GRM1: variants seen among roughly 807,000 people sequenced by gnomAD.
GRM1 encodes metabotropic glutamate receptor 1.
In GRM1, 33 loss-of-function variants were observed where a neutral mutation model predicts 90.9. The observed-to-expected ratio is 0.36, with a 90% confidence interval of 0.28 to 0.49. The LOEUF (loss-of-function observed/expected upper bound fraction) is 0.49. Ranked by LOEUF, GRM1 falls within the 20% of genes least tolerant of loss-of-function variation. The probability of loss-of-function intolerance (pLI) is 0.99; values close to 1 mark genes in which losing one functional copy is unlikely to be tolerated. For missense variants in GRM1, 1,190 were observed against 1,534.3 expected, an observed-to-expected ratio of 0.78 and a Z score of 3.75; for synonymous variants, 700 against 613.2, an observed-to-expected ratio of 1.14 and a Z score of -2.09.
At chr6:146,267,697 GCTCGGCTCGTCTCGTCTCGT>G (rs71028385) in intron 2 of GRM1, among the ~76,000 whole-genome samples, 5,263 of 109,148 alleles carry the variant, frequency 0.048, 180 homozygotes, top group Middle Eastern at 0.082. Flanking sequence ...GCTCGGCTCG[GCTCGGCTCGTCTCGTCTCGT>G]CTCGTCTCGT....
rs755516235 is a variant in GRM1 at position 146,247,024 on chromosome 6, T to G, written c.951-57587T>G. On this transcript the variant is annotated intron_variant, in intron 2 of 7. Coordinates refer to ENST00000282753, the MANE Select transcript of GRM1 (RefSeq NM_001278064.2). The stretch of plus-strand genomic sequence containing the variant: ...ATTCAGGAATCAGGAAAATAACTGG[T>G]ATGAGGGACATCAGTATCAATAGGA... Among the ~76,000 whole-genome samples, 3 of 152,292 alleles carry G rather than the reference T, an allele frequency of 2.0e-5. No homozygotes were observed. The South Asian group carries it at 6.2e-4, about 32-fold the overall frequency.
intron 1 of GRM1, among the ~76,000 whole-genome samples, chr6:146,106,936 A>T (rs1055234057): frequency 6.6e-6 from 1 of 152,202 alleles, no homozygotes; most frequent in East Asian, 1.9e-4. Flanking sequence ...TTTTACTTGT[A>T]TCACTTTCTT....
intron 1 of GRM1, among the ~76,000 whole-genome samples, chr6:146,063,643 T>C (rs1775748804): frequency 6.6e-6 from 1 of 152,168 alleles, no homozygotes; most frequent in Non-Finnish European, 1.5e-5. Context: ...CCTTATTTAA[T>C]TCCGTATGCA....
chr6:146,432,914 G>A (rs1778465910), intron 7 of GRM1, among the ~76,000 whole-genome samples: 1 of 152,192 alleles, frequency 6.6e-6, no homozygotes, highest in Admixed American at 6.5e-5. Context: ...GTGCCATGAA[G>A]ATGGGAGTTG....
chr6:146,304,360 G>A (rs953726104), intron 2 of GRM1, among the ~76,000 whole-genome samples: 6 of 152,060 alleles, frequency 3.9e-5, no homozygotes, highest in South Asian at 2.1e-4. Context: ...AATACTCATC[G>A]AACTTTAATT....
chr6:146,150,563 G>A (rs1470760918), intron 1 of GRM1, among the ~76,000 whole-genome samples: 1 of 152,148 alleles, frequency 6.6e-6, no homozygotes, highest in South Asian at 2.1e-4. Context: ...TTGTTAGGAA[G>A]ATTCCAATTT....
At chr6:146,270,873 CTTTCTTT>C (rs1782107942) in intron 2 of GRM1, among the ~76,000 whole-genome samples, 2 of 85,872 alleles carry the variant, frequency 2.3e-5, no homozygotes, top group African/African-American at 1.2e-4. Context: ...TTCTTTCTTT[CTTTCTTT>C]CTTTCTTTCT....
At chr6:146,086,248 A>G (rs1333433665) in intron 1 of GRM1, among the ~76,000 whole-genome samples, 1 of 152,164 alleles carries the variant, frequency 6.6e-6, no homozygotes, top group Non-Finnish European at 1.5e-5. Flanking sequence ...TGATAGCTAT[A>G]CAAACTCTGA....
At chr6:146,163,528 T>A (rs954179700) in intron 2 of GRM1, among the ~76,000 whole-genome samples, 2 of 152,212 alleles carry the variant, frequency 1.3e-5, no homozygotes, top group African/African-American at 4.8e-5. Context: ...TGTCAAAAAG[T>A]GCTGCAGTGC....
At chr6:146,063,501 C>A (rs1037326373) in intron 1 of GRM1, among the ~76,000 whole-genome samples, 2 of 152,096 alleles carry the variant, frequency 1.3e-5, no homozygotes, top group African/African-American at 4.8e-5. Context: ...TTTTCTTGGA[C>A]ATCTTAATAG....
chr6:146,397,022 G>C (rs993672187), intron 6 of GRM1, among the ~76,000 whole-genome samples: 1 of 152,146 alleles, frequency 6.6e-6, no homozygotes, highest in Non-Finnish European at 1.5e-5. Flanking sequence ...TCTCATGCTA[G>C]TACATGGGAA....
chr6:146,246,652 C>T (rs1340497542), intron 2 of GRM1, among the ~76,000 whole-genome samples: 2 of 152,126 alleles, frequency 1.3e-5, no homozygotes, highest in Admixed American at 1.3e-4. Context: ...AGAAATGTGT[C>T]ATCTAAAATG....
chr6:146,368,919 T>C (rs1283273917), intron 5 of GRM1, among the ~76,000 whole-genome samples: 1 of 152,008 alleles, frequency 6.6e-6, no homozygotes, highest in African/African-American at 2.4e-5. Flanking sequence ...TTGAGAATAA[T>C]TAATACTGGT....
At chr6:146,171,955 C>T (rs1312017243) in intron 2 of GRM1, 1 of 173,108 alleles carries the variant, frequency 5.8e-6, no homozygotes, top group Non-Finnish European at 1.3e-5. Flanking sequence ...GACTTCCTCC[C>T]TGCTGTGGCA....
chr6:146,417,134 G>T (rs1260650179), intron 7 of GRM1, among the ~76,000 whole-genome samples: 1 of 152,084 alleles, frequency 6.6e-6, no homozygotes, highest in Non-Finnish European at 1.5e-5. Flanking sequence ...TTAGTCTGTT[G>T]TCCTGTATCA....
At chr6:146,240,677 AGAAGGCTCTG>A (rs1023749001) in intron 2 of GRM1, among the ~76,000 whole-genome samples, 2 of 152,144 alleles carry the variant, frequency 1.3e-5, no homozygotes, top group Admixed American at 1.3e-4. Context: ...AGAAGGATGG[AGAAGGCTCTG>A]GAAGGGAAAA....
At chr6:146,170,298 G>T (rs1481804979) in intron 2 of GRM1, among the ~76,000 whole-genome samples, 1 of 152,052 alleles carries the variant, frequency 6.6e-6, no homozygotes, top group East Asian at 1.9e-4. Flanking sequence ...GTAGATAAAA[G>T]ATTTTTCAGC....
chr6:146,435,694 A>C lies in GRM1; in HGVS notation c.*898A>C, dbSNP rs1778575005. 1 of 152,602 alleles carries C rather than the reference A, an allele frequency of 6.6e-6. No homozygotes were observed. Among genetic ancestry groups the C allele is most frequent in the Admixed American group, 6.5e-5 (1 of 15,278 alleles). The allele number at this position is 152,602 out of a possible 1,614,324, so 9.5% of individuals were successfully genotyped here. ...GCGATTTGGGGAAAAGGCCGGAACA[A>C]GAGATTGTTACGAGAGTGGCAGAAA... On this transcript the variant is annotated 3_prime_UTR_variant, in exon 8 of 8. Coordinates refer to ENST00000282753, the MANE Select transcript of GRM1 (RefSeq NM_001278064.2).
intron 2 of GRM1, among the ~76,000 whole-genome samples, chr6:146,296,519 T>C (rs1415166521): frequency 1.3e-5 from 2 of 152,192 alleles, no homozygotes; most frequent in African/African-American, 4.8e-5. Flanking sequence ...TAGAACTTAT[T>C]CTCCCTGTTG....
Sources: allele counts gnomAD v4.1 joint callset (sites outside exome capture counted in the v4.1 genomes callset), GRCh38; gene constraint gnomAD v4.1.1; transcripts MANE v1.5; gene names NCBI Gene and HGNC (gene_info 2026-07-23, HGNC 2026-07-21).